SLC2A9: variants seen among roughly 807,000 people sequenced by gnomAD.
The protein encoded by SLC2A9 is solute carrier family 2 member 9, also known as solute carrier family 2, facilitated glucose transporter member 9.
A neutral mutation model predicts 50.6 loss-of-function variants in SLC2A9; 39 were observed. The ratio of observed to expected loss-of-function variants is 0.77; its 90% CI spans 0.60 to 1.01. The LOEUF (loss-of-function observed/expected upper bound fraction) is 1.01, where lower values mean the gene tolerates loss of function less well. Among genes scored for constraint, SLC2A9 ranks in the 50% least tolerant of loss-of-function variants. The probability of loss-of-function intolerance (pLI) is 0.00; values close to 1 mark genes in which losing one functional copy is unlikely to be tolerated. For synonymous variants in SLC2A9, 324 were observed against 276.9 expected (o/e 1.17, Z -1.69); for missense variants, 686 against 677.6 (o/e 1.01, Z -0.14).
In SLC2A9 at chr4:9,826,364, G is replaced by C; in HGVS notation, c.*33C>G. ...CATCCATGTAGACAATCCTGTTTTT[G>C]ACATAATTGTCCAACGTGGAGGAGG... On this transcript the variant is annotated 3_prime_UTR_variant, in exon 12 of 12. Coordinates refer to ENST00000264784, the MANE Select transcript of SLC2A9 (RefSeq NM_020041.3). 6.2e-7 allele frequency: 1 copy of C among 1,600,730 alleles called. No individual in the cohort carries two copies. Among genetic ancestry groups the C allele is most frequent in the Non-Finnish European group, 8.6e-7 (1 of 1,167,886 alleles).
At chr4:9,810,487 T>A (rs1722730813) in intron 3 of SLC2A9, among the ~76,000 whole-genome samples, 1 of 152,222 alleles carries the variant, frequency 6.6e-6, no homozygotes, top group Admixed American at 6.5e-5. Flanking sequence ...GCCTTCAAGA[T>A]GAAATCTTCC....
chr4:9,965,696 C>A (rs1477427142), intron 5 of SLC2A9, among the ~76,000 whole-genome samples: 3 of 152,138 alleles, frequency 2.0e-5, no homozygotes, highest in Non-Finnish European at 2.9e-5. Context: ...AATCTGTATT[C>A]ATTTGTGTGT....
At chr4:10,015,193 G>A (rs574904239) in intron 2 of SLC2A9, among the ~76,000 whole-genome samples, 1 of 152,258 alleles carries the variant, frequency 6.6e-6, no homozygotes, top group East Asian at 1.9e-4. Flanking sequence ...CAGGTAAGTA[G>A]CCCTGGGCTT....
At chr4:9,879,509 A>G (rs1734854483) in intron 10 of SLC2A9, 1 of 985,306 alleles carries the variant, frequency 1.0e-6, no homozygotes, top group East Asian at 1.1e-4. Flanking sequence ...AGACGACCAC[A>G]TAGGTTCTGT....
chr4:10,037,043 C>A (rs1454465970), intron 1 of SLC2A9, among the ~76,000 whole-genome samples: 4 of 152,206 alleles, frequency 2.6e-5, no homozygotes, highest in African/African-American at 9.6e-5. Flanking sequence ...TTTATTTAGT[C>A]ATTCAATGCT....
At chr4:9,948,824 C>A (rs1189055736) in intron 5 of SLC2A9, among the ~76,000 whole-genome samples, 1 of 152,178 alleles carries the variant, frequency 6.6e-6, no homozygotes, top group Non-Finnish European at 1.5e-5. Context: ...AGCTTCCTGC[C>A]CACATCTCCA....
chr4:9,776,692 C>A (rs1355909857), downstream of SLC2A9, among the ~76,000 whole-genome samples: 1 of 152,156 alleles, frequency 6.6e-6, no homozygotes, highest in Non-Finnish European at 1.5e-5. Context: ...TAGATATGCT[C>A]CACCATAGCG....
chr4:9,805,689 T>G (rs1379341149), intron 3 of SLC2A9, among the ~76,000 whole-genome samples: 1 of 7,140 alleles, frequency 1.4e-4, no homozygotes, highest in Non-Finnish European at 3.6e-4. Context: ...GGGTGTCAGT[T>G]TTTTTTTTTT....
At chr4:9,947,930 T>G (rs977405346) in intron 5 of SLC2A9, among the ~76,000 whole-genome samples, 2 of 152,092 alleles carry the variant, frequency 1.3e-5, no homozygotes, top group African/African-American at 4.8e-5. Flanking sequence ...CTGCATGGCG[T>G]GGTATGTCCC....
chr4:9,894,308 GAA>G (rs1211696458), intron 8 of SLC2A9, among the ~76,000 whole-genome samples: 1 of 152,144 alleles, frequency 6.6e-6, no homozygotes, highest in Non-Finnish European at 1.5e-5. Context: ...AATCTTAGGC[GAA>G]AAGAGTAGGA....
intron 6 of SLC2A9, among the ~76,000 whole-genome samples, chr4:9,938,968 T>C (rs570255683): frequency 1.3e-5 from 2 of 152,136 alleles, no homozygotes; most frequent in East Asian, 3.9e-4. Flanking sequence ...TCTGAAGTGA[T>C]TGTGTTGATG....
At position 9,931,868 on chromosome 4, in the gene SLC2A9, G is replaced by A. The variant is rs182108050; in HGVS notation, c.814+10045C>T. 2.4e-3 allele frequency among the ~76,000 whole-genome samples: 345 copies of A among 145,924 alleles called. 5 individuals are homozygous for A. Among genetic ancestry groups the A allele is most frequent in the African/African-American group, 8.6e-3 (336 of 39,038 alleles). ...ACTACCACTTGAGTTGGTGGGGCTT[G>A]ATGCCACATGGAGAGTGACTGCAGG... is the stretch of plus-strand genomic sequence containing the variant. On this transcript the variant is annotated intron_variant, in intron 6 of 11. Transcript: ENST00000264784.
At chr4:9,778,806 C>CT (rs201631344), downstream of SLC2A9, among the ~76,000 whole-genome samples, 1,089 of 151,716 alleles carry the variant, frequency 7.2e-3, 10 homozygotes, top group African/African-American at 0.025. Flanking sequence ...ATCACAGTTT[C>CT]TTTTTTTTTC....
intron 10 of SLC2A9, chr4:9,879,995 C>A: frequency 1.0e-6 from 1 of 985,438 alleles, no homozygotes; most frequent in Non-Finnish European, 1.2e-6. Context: ...CTGCCTCAGG[C>A]GGCCTCCTGG....
chr4:9,845,292 C>T (rs189052301), intron 10 of SLC2A9, among the ~76,000 whole-genome samples: 3,707 of 151,872 alleles, frequency 0.024, 81 homozygotes, highest in Non-Finnish European at 0.036. Flanking sequence ...AGATTACAGG[C>T]GTGAGCCACC....
chr4:9,983,059 G>C (rs181206757), intron 4 of SLC2A9, among the ~76,000 whole-genome samples: 1 of 152,174 alleles, frequency 6.6e-6, no homozygotes, highest in Admixed American at 6.5e-5. Flanking sequence ...GTAGAGACAG[G>C]GTTTCTCCAT....
chr4:9,780,248 G>C (rs912378640), intron 3 of SLC2A9, among the ~76,000 whole-genome samples: 1 of 152,128 alleles, frequency 6.6e-6, no homozygotes, highest in African/African-American at 2.4e-5. Context: ...GCAGAGACTG[G>C]AGGCCAGGAA....
At chr4:9,819,116 CAAAA>C (rs60751108) in intron 3 of SLC2A9, among the ~76,000 whole-genome samples, 59 of 57,364 alleles carry the variant, frequency 1.0e-3, no homozygotes, top group African/African-American at 2.9e-3. Context: ...GAGACTGTCT[CAAAA>C]AAAAAAAAAA....
chr4:9,869,475 C>T (rs1733046877), intron 10 of SLC2A9, among the ~76,000 whole-genome samples: 1 of 152,166 alleles, frequency 6.6e-6, no homozygotes, highest in African/African-American at 2.4e-5. Flanking sequence ...TCCTGTGCTC[C>T]TCCTTCCTCT....
Sources: allele counts gnomAD v4.1 joint callset (sites outside exome capture counted in the v4.1 genomes callset), GRCh38; gene constraint gnomAD v4.1.1; transcripts MANE v1.5; gene names NCBI Gene and HGNC (gene_info 2026-07-23, HGNC 2026-07-21).